The following NEGR1 variants were observed in gnomAD, a reference collection of about 807,000 sequenced individuals.
The protein encoded by NEGR1 is IgLON family member 4.
NEGR1 carries 10 observed loss-of-function variants against 40.9 expected under a neutral mutation model. The ratio of observed to expected loss-of-function variants is 0.24; its 90% CI spans 0.15 to 0.42. NEGR1 has a LOEUF of 0.42. Ranked by LOEUF, NEGR1 falls within the 10% of genes least tolerant of loss-of-function variation. The pLI is 1.00. For missense variants in NEGR1, 352 were observed against 438.9 expected (o/e 0.80, Z 1.77); for synonymous variants, 185 against 166.8 (o/e 1.11, Z -0.84).
chr1:71,903,570 T>C (rs1010928832), intron 2 of NEGR1, among the ~76,000 whole-genome samples: 10 of 151,996 alleles, frequency 6.6e-5, no homozygotes, highest in Admixed American at 2.6e-4. Flanking sequence ...AATAAGGTGA[T>C]ACATTTAATC....
chr1:71,441,858 C>G (rs1381751286), intron 6 of NEGR1, among the ~76,000 whole-genome samples: 1 of 152,034 alleles, frequency 6.6e-6, no homozygotes, highest in Non-Finnish European at 1.5e-5. Context: ...AGAGGAAACC[C>G]TGCAAAATTA....
Position 72,183,365 on chromosome 1 carries a change from T to C in NEGR1, c.176+98954A>G, listed in dbSNP as rs746840092. On this transcript the variant is annotated intron_variant, in intron 1 of 6. Transcript: ENST00000357731. ...TTCTGATCTTTGCTCAAGAACTTCC[T>C]ATCAGCCAGGCAAAGACTGCCTAAG... Among the ~76,000 whole-genome samples the C allele has an allele frequency of 2.3e-4, 35 of 152,228 alleles. No individual in the cohort carries two copies. In the South Asian group the frequency reaches 2.5e-3, roughly 11 times the overall value.
At chr1:71,575,739 C>T (rs1311648819) in intron 6 of NEGR1, among the ~76,000 whole-genome samples, 1 of 152,088 alleles carries the variant, frequency 6.6e-6, no homozygotes, top group Non-Finnish European at 1.5e-5. Context: ...GCCGAGATCT[C>T]GCCACTGCAC....
rs1163542698 is a variant in NEGR1 at position 71,906,377 on chromosome 1, A to T, written c.409+28702T>A. On this transcript the variant is annotated intron_variant, in intron 2 of 6. Coordinates refer to ENST00000357731, the MANE Select transcript of NEGR1 (RefSeq NM_173808.3). ...TAACCAAACACCATCTGTTCCCCTAAAACGCTATTGAAATAAAACAGAATA... is the reference window on the plus strand; with the variant it reads ...TAACCAAACACCATCTGTTCCCCTATAACGCTATTGAAATAAAACAGAATA... Among the ~76,000 whole-genome samples the T allele has an allele frequency of 2.6e-5, 4 of 151,994 alleles. No homozygotes were observed. In the East Asian group the frequency reaches 7.7e-4, roughly 29 times the overall value.
intron 4 of NEGR1, among the ~76,000 whole-genome samples, chr1:71,665,672 C>G (rs1023909073): frequency 8.6e-5 from 13 of 150,880 alleles, no homozygotes; most frequent in African/African-American, 3.2e-4. Flanking sequence ...ACCATTCATT[C>G]TAATTTTTTC....
At chr1:72,233,005 A>G (rs1432570419) in intron 1 of NEGR1, among the ~76,000 whole-genome samples, 1 of 152,220 alleles carries the variant, frequency 6.6e-6, no homozygotes, top group African/African-American at 2.4e-5. Flanking sequence ...CCAGACAGTT[A>G]TTGGGTAAAG....
chr1:72,116,181 C>T (rs1649571328), intron 1 of NEGR1, among the ~76,000 whole-genome samples: 1 of 151,712 alleles, frequency 6.6e-6, no homozygotes, highest in Admixed American at 6.6e-5. Flanking sequence ...GGAGTACAAT[C>T]AGTTGAGTCA....
intron 1 of NEGR1, among the ~76,000 whole-genome samples, chr1:72,243,626 G>GT (rs1477397750): frequency 6.6e-6 from 1 of 151,656 alleles, no homozygotes; most frequent in South Asian, 2.1e-4. Flanking sequence ...CATTAATAAA[G>GT]TTTTTTCCCT....
At chr1:71,411,926 A>G (rs981364963) in intron 6 of NEGR1, among the ~76,000 whole-genome samples, 1 of 152,048 alleles carries the variant, frequency 6.6e-6, no homozygotes, top group African/African-American at 2.4e-5. Context: ...ACTTGAACCC[A>G]GGAGGTGGAG....
At chr1:72,013,970 A>AT (rs1646684715) in intron 1 of NEGR1, among the ~76,000 whole-genome samples, 5 of 93,746 alleles carry the variant, frequency 5.3e-5, no homozygotes, top group Admixed American at 2.0e-4. Context: ...AAATAAAAAA[A>AT]AAAAAAAAAA....
intron 3 of NEGR1, among the ~76,000 whole-genome samples, chr1:71,714,605 C>T (rs1479806658): frequency 6.6e-6 from 1 of 152,032 alleles, no homozygotes; most frequent in African/African-American, 2.4e-5. Context: ...AGAAATTGGC[C>T]AAAACAAAGG....
chr1:71,498,359 T>C (rs144482028), intron 6 of NEGR1, among the ~76,000 whole-genome samples: 222 of 152,146 alleles, frequency 1.5e-3, no homozygotes, highest in African/African-American at 5.1e-3. Context: ...TGAAAATTAA[T>C]ATCCTTTTAA....
chr1:71,911,775 T>C (rs1661426396), intron 2 of NEGR1, among the ~76,000 whole-genome samples: 2 of 152,176 alleles, frequency 1.3e-5, no homozygotes, highest in Non-Finnish European at 2.9e-5. Flanking sequence ...TGATAGAAGA[T>C]CGACTGAACA....
intron 3 of NEGR1, among the ~76,000 whole-genome samples, chr1:71,704,388 T>A (rs1290494135): frequency 6.6e-6 from 1 of 151,876 alleles, no homozygotes; most frequent in East Asian, 1.9e-4. Context: ...CTAAAATGGA[T>A]AAATCTTAAC....
At chr1:72,274,731 A>T (rs1367446764) in intron 1 of NEGR1, 2 of 1,076,562 alleles carry the variant, frequency 1.9e-6, no homozygotes, top group Non-Finnish European at 2.9e-6. Flanking sequence ...TAATTGGAGT[A>T]AAATCGGAAG....
rs181166836 is a variant in NEGR1 at position 71,683,667 on chromosome 1, T to A, written c.667+14341A>T. Among the ~76,000 whole-genome samples the A allele has an allele frequency of 2.4e-3, 366 of 152,150 alleles. 2 individuals are homozygous for A. Among genetic ancestry groups the A allele is most frequent in the African/African-American group, 8.6e-3 (357 of 41,538 alleles). ...TTTCATAATAAAAGACTATTAAAAT[T>A]ATAAATTTGCCTCTGAGTACAGCTT... On this transcript the variant is annotated intron_variant, in intron 4 of 6. Coordinates refer to ENST00000357731, the MANE Select transcript of NEGR1 (RefSeq NM_173808.3).
intron 1 of NEGR1, among the ~76,000 whole-genome samples, chr1:72,224,379 G>A (rs1654108418): frequency 6.6e-6 from 1 of 151,542 alleles, no homozygotes; most frequent in Non-Finnish European, 1.5e-5. Context: ...GGAAAGTGAA[G>A]GATGCTATTA....
chr1:71,926,918 C>A (rs1156638099), intron 2 of NEGR1, among the ~76,000 whole-genome samples: 1 of 152,098 alleles, frequency 6.6e-6, no homozygotes, highest in African/African-American at 2.4e-5. Flanking sequence ...ATACTATTTA[C>A]TGAAATCTAC....
Position 71,897,176 on chromosome 1 carries a change from C to T in NEGR1, c.409+37903G>A, listed in dbSNP as rs557638084. Among the ~76,000 whole-genome samples, 963 of 151,066 alleles carry T rather than the reference C, an allele frequency of 6.4e-3. 5 individuals are homozygous for T. The Middle Eastern group carries it at 0.064, about 10-fold the overall frequency. Reference sequence around the variant, plus strand: ...ATGTTATAGAATATATATATATATACTATAACTCGAAGTATTATTGTCTCT... The same window carrying T: ...ATGTTATAGAATATATATATATATATTATAACTCGAAGTATTATTGTCTCT... On this transcript the variant is annotated intron_variant, in intron 2 of 6. Coordinates refer to ENST00000357731, the MANE Select transcript of NEGR1 (RefSeq NM_173808.3).
Sources: allele counts gnomAD v4.1 joint callset (sites outside exome capture counted in the v4.1 genomes callset), GRCh38; gene constraint gnomAD v4.1.1; transcripts MANE v1.5; gene names NCBI Gene and HGNC (gene_info 2026-07-23, HGNC 2026-07-21).